OR1J2: variants seen among roughly 807,000 people sequenced by gnomAD.
The protein encoded by OR1J2 is olfactory receptor 1J2.
For missense variants in OR1J2, 304 were observed against 246.1 expected (o/e 1.24, Z -1.57); for synonymous variants, 142 against 99.7 (o/e 1.42, Z -2.52).
the OR1J2 span, chr9:122,519,667 A>G: frequency 6.2e-7 from 1 of 1,613,190 alleles, no homozygotes; most frequent in Non-Finnish European, 8.5e-7. Context: ...ACCATCCCCC[A>G]TTTCTTCTGT....
the OR1J2 span, among the ~76,000 whole-genome samples, chr9:122,576,213 T>G: frequency 4.0e-5 from 6 of 151,350 alleles, no homozygotes; most frequent in African/African-American, 1.5e-4. Context: ...TGTAACATTT[T>G]CTTTTTTACA....
the OR1J2 span, among the ~76,000 whole-genome samples, chr9:122,479,982 G>T: frequency 6.6e-6 from 1 of 152,090 alleles, no homozygotes; most frequent in Admixed American, 6.6e-5. Flanking sequence ...CACATTCAAA[G>T]AAATACAATC....
chr9:122,503,894 G>A, the OR1J2 span, among the ~76,000 whole-genome samples: 1 of 152,174 alleles, frequency 6.6e-6, no homozygotes, highest in African/African-American at 2.4e-5. Context: ...GTCTGAACTG[G>A]AACAGAAGTC....
chr9:122,458,446 G>A, the OR1J2 span, among the ~76,000 whole-genome samples: 2 of 152,118 alleles, frequency 1.3e-5, no homozygotes, highest in South Asian at 2.1e-4. Flanking sequence ...CCTAAGACTG[G>A]GTAATTTATA....
At chr9:122,521,143 T>C in the OR1J2 span, among the ~76,000 whole-genome samples, 1 of 152,232 alleles carries the variant, frequency 6.6e-6, no homozygotes, top group East Asian at 1.9e-4. Flanking sequence ...CCTAACATAT[T>C]TTATTTGAAG....
At chr9:122,460,192 TAC>T in the OR1J2 span, among the ~76,000 whole-genome samples, 129,861 of 150,152 alleles carry the variant, frequency 0.86, 56,276 homozygotes, top group African/African-American at 0.91. Context: ...TATATATATA[TAC>T]ACACACACAC....
At chr9:122,515,846 T>A (rs182333315), downstream of OR1J2, among the ~76,000 whole-genome samples, 2 of 152,224 alleles carry the variant, frequency 1.3e-5, no homozygotes, top group African/African-American at 4.8e-5. Flanking sequence ...TGTAGTGTAT[T>A]CTTAAACCTT....
At chr9:122,471,675 A>G in the OR1J2 span, among the ~76,000 whole-genome samples, 39,344 of 152,146 alleles carry the variant, frequency 0.26, 5,759 homozygotes, top group African/African-American at 0.39. Flanking sequence ...TGGAATCTAG[A>G]GAAAATCACT....
the OR1J2 span, chr9:122,572,678 G>T: frequency 6.6e-6 from 1 of 152,128 alleles, no homozygotes; most frequent in Non-Finnish European, 1.5e-5. Context: ...TCAGATGGTG[G>T]TTATGACTTC....
chr9:122,471,988 A>G, the OR1J2 span, among the ~76,000 whole-genome samples: 1 of 152,162 alleles, frequency 6.6e-6, no homozygotes, highest in South Asian at 2.1e-4. Context: ...TACTTCTATA[A>G]AACAATACTG....
chr9:122,489,233 G>T, the OR1J2 span, among the ~76,000 whole-genome samples: 12 of 152,018 alleles, frequency 7.9e-5, no homozygotes, highest in African/African-American at 2.9e-4. Context: ...GGAAACTTAT[G>T]AGGGGAGAAG....
chr9:122,476,983 C>G, the OR1J2 span: 6 of 1,531,790 alleles, frequency 3.9e-6, no homozygotes, highest in East Asian at 1.3e-4. Flanking sequence ...GTTGAGATTA[C>G]AGGCATGAGC....
chr9:122,562,877 T>G, the OR1J2 span, among the ~76,000 whole-genome samples: 1 of 152,136 alleles, frequency 6.6e-6, no homozygotes, highest in Non-Finnish European at 1.5e-5. Context: ...CTGCATGGTG[T>G]TCCATTGTGC....
chr9:122,525,891 A>C, the OR1J2 span, among the ~76,000 whole-genome samples: 1 of 152,192 alleles, frequency 6.6e-6, no homozygotes, highest in Non-Finnish European at 1.5e-5. Flanking sequence ...AAGTGCCCCC[A>C]AAATTTTAAT....
the OR1J2 span, among the ~76,000 whole-genome samples, chr9:122,560,086 C>T: frequency 6.6e-6 from 1 of 151,984 alleles, no homozygotes; most frequent in African/African-American, 2.4e-5. Flanking sequence ...TATATAATGC[C>T]CTTGTTTGTC....
At chr9:122,571,072 T>C in the OR1J2 span, among the ~76,000 whole-genome samples, 1 of 152,184 alleles carries the variant, frequency 6.6e-6, no homozygotes, top group Non-Finnish European at 1.5e-5. Flanking sequence ...TTTTCCTCAC[T>C]CTGATAAATT....
chr9:122,534,771 G>A, the OR1J2 span, among the ~76,000 whole-genome samples: 13 of 152,186 alleles, frequency 8.5e-5, no homozygotes, highest in Admixed American at 2.6e-4. Context: ...GGAAGATTTC[G>A]GACGATTTGC....
the OR1J2 span, among the ~76,000 whole-genome samples, chr9:122,535,355 G>A: frequency 6.6e-6 from 1 of 152,140 alleles, no homozygotes; most frequent in Non-Finnish European, 1.5e-5. Context: ...TGAAACCTGG[G>A]TGAATAATCA....
At chr9:122,546,143 A>G in the OR1J2 span, among the ~76,000 whole-genome samples, 1 of 152,150 alleles carries the variant, frequency 6.6e-6, no homozygotes, top group Non-Finnish European at 1.5e-5. Flanking sequence ...CATTTAGATG[A>G]TAAGATCGTG....
Sources: allele counts gnomAD v4.1 joint callset (sites outside exome capture counted in the v4.1 genomes callset), GRCh38; gene constraint gnomAD v4.1.1; transcripts MANE v1.5; gene names NCBI Gene and HGNC (gene_info 2026-07-23, HGNC 2026-07-21).